ACYP2: variants seen among roughly 807,000 people sequenced by gnomAD.
The protein encoded by ACYP2 is acylphosphatase 2.
ACYP2 carries 12 observed loss-of-function variants against 11.2 expected under a neutral mutation model. The observed-to-expected ratio is 1.08, with a 90% CI of 0.69 to 1.74. The LOEUF (loss-of-function observed/expected upper bound fraction) is 1.74, where lower values mean the gene tolerates loss of function less well. Among genes scored for constraint, ACYP2 ranks in the 40% most tolerant of loss-of-function variants. The pLI is 0.00. For synonymous variants in ACYP2, 43 were observed against 32.2 expected (o/e 1.33, Z -1.13); for missense variants, 134 against 101.9 (o/e 1.31, Z -1.35).
At chr2:54,093,985 T>C (rs1678379473) in intron 4 of ACYP2, among the ~76,000 whole-genome samples, 1 of 152,080 alleles carries the variant, frequency 6.6e-6, no homozygotes, top group African/African-American at 2.4e-5. Flanking sequence ...CCACTCAGTA[T>C]CATTGTGAAG....
chr2:54,250,478 G>A (rs1687173368), intron 6 of ACYP2, among the ~76,000 whole-genome samples: 1 of 109,558 alleles, frequency 9.1e-6, no homozygotes, highest in South Asian at 3.2e-4. Flanking sequence ...TGGGTGGGGT[G>A]GGGGGGGCGT....
At chr2:54,096,900 G>C (rs893389135) in intron 4 of ACYP2, among the ~76,000 whole-genome samples, 3 of 152,074 alleles carry the variant, frequency 2.0e-5, no homozygotes, top group African/African-American at 7.2e-5. Context: ...AATAGAGACG[G>C]GGTCTTGCTA....
chr2:53,973,855 A>ATGTGTGTGTGTGTGTG (rs573137716), intron 2 of ACYP2: 1 of 124,210 alleles, frequency 8.1e-6, no homozygotes, highest in African/African-American at 3.7e-5. Context: ...GGATATATAT[A>ATGTGTGTGTGTGTGTG]TGTGTGTGTG....
chr2:54,162,671 T>A (rs1438997729), intron 6 of ACYP2, among the ~76,000 whole-genome samples: 1 of 151,962 alleles, frequency 6.6e-6, no homozygotes, highest in Non-Finnish European at 1.5e-5. Context: ...ATAAAAAAAT[T>A]TCCTCCTGTA....
chr2:54,035,563 C>T (rs950021045), intron 2 of ACYP2, among the ~76,000 whole-genome samples: 1 of 152,076 alleles, frequency 6.6e-6, no homozygotes, highest in South Asian at 2.1e-4. Flanking sequence ...CCGCTCCCGG[C>T]CTAGAGACAA....
At chr2:54,226,543 C>A (rs1184061467) in intron 6 of ACYP2, among the ~76,000 whole-genome samples, 1 of 152,194 alleles carries the variant, frequency 6.6e-6, no homozygotes, top group Non-Finnish European at 1.5e-5. Context: ...GTGATCTACT[C>A]CTGCAAAGTA....
chr2:54,191,057 C>G (rs1684218589), intron 6 of ACYP2, among the ~76,000 whole-genome samples: 1 of 152,128 alleles, frequency 6.6e-6, no homozygotes, highest in African/African-American at 2.4e-5. Flanking sequence ...CATGCCCCCA[C>G]TCCAGTGATC....
intron 2 of ACYP2, among the ~76,000 whole-genome samples, chr2:54,023,550 C>T (rs1353197538): frequency 1.3e-5 from 2 of 152,090 alleles, no homozygotes; most frequent in Admixed American, 6.6e-5. Flanking sequence ...ACATTTTAAC[C>T]ATTTTAGTAT....
intron 6 of ACYP2, among the ~76,000 whole-genome samples, chr2:54,179,925 T>C (rs1487281254): frequency 6.6e-6 from 1 of 152,154 alleles, no homozygotes; most frequent in East Asian, 1.9e-4. Context: ...TCCCACAGAT[T>C]GGGGGCTCAG....
chr2:53,987,339 T>C (rs1179333558), intron 2 of ACYP2, among the ~76,000 whole-genome samples: 2 of 152,032 alleles, frequency 1.3e-5, no homozygotes, highest in African/African-American at 2.4e-5. Context: ...GATTATGCTT[T>C]TATGTATGTA....
At chr2:54,000,486 C>A (rs1672748995) in intron 2 of ACYP2, among the ~76,000 whole-genome samples, 1 of 150,182 alleles carries the variant, frequency 6.7e-6, no homozygotes, top group Admixed American at 6.6e-5. Flanking sequence ...GAAGCTTTTC[C>A]TTTTCATTTA....
At chr2:54,095,708 G>A (rs1678512235) in intron 4 of ACYP2, among the ~76,000 whole-genome samples, 3 of 124,616 alleles carry the variant, frequency 2.4e-5, no homozygotes, top group Admixed American at 7.6e-5. Context: ...CCGGGCAGAG[G>A]GGCTCCTCAC....
intron 6 of ACYP2, among the ~76,000 whole-genome samples, chr2:54,266,590 CTTTTTTTTTTTTTTTTTTTT>C (rs138812389): frequency 5.9e-4 from 31 of 52,272 alleles, no homozygotes; most frequent in Non-Finnish European, 8.0e-4. Flanking sequence ...ATCTATCTAT[CTTTTTTTTTTTTTTTTTTTT>C]TTTTTTTTTT....
intron 6 of ACYP2, among the ~76,000 whole-genome samples, chr2:54,300,627 C>T (rs1055376844): frequency 5.9e-5 from 9 of 152,192 alleles, no homozygotes; most frequent in Non-Finnish European, 7.3e-5. Context: ...TTCCTTTCCT[C>T]GCTTTCCACA....
chr2:54,025,196 A>G (rs1219079373), intron 2 of ACYP2, among the ~76,000 whole-genome samples: 3 of 152,210 alleles, frequency 2.0e-5, no homozygotes, highest in Non-Finnish European at 2.9e-5. Flanking sequence ...ATTCAATGAC[A>G]TTCTCATCAT....
intron 6 of ACYP2, among the ~76,000 whole-genome samples, chr2:54,297,332 C>G (rs370115164): frequency 4.7e-4 from 71 of 152,042 alleles, no homozygotes; most frequent in African/African-American, 1.7e-3. Context: ...CATCTCCACA[C>G]ACAAAAAAAT....
At chr2:54,201,504 C>A (rs147380571) in intron 6 of ACYP2, among the ~76,000 whole-genome samples, 1,636 of 152,152 alleles carry the variant, frequency 0.011, 38 homozygotes, top group African/African-American at 0.037. Flanking sequence ...TTCTCCCATT[C>A]TGTAGGCTGT....
intron 4 of ACYP2, 144 bp from the exon 2 acceptor site, chr2:54,135,309 C>T: frequency 4.6e-5 from 30 of 648,856 alleles, no homozygotes; most frequent in South Asian, 1.4e-4. Context: ...ATTGTAGGAC[C>T]ACAGTTGATG....
chr2:54,232,904 C>G (rs752747141), intron 6 of ACYP2, among the ~76,000 whole-genome samples: 4 of 152,230 alleles, frequency 2.6e-5, no homozygotes, highest in Admixed American at 6.5e-5. Context: ...GATTACAATT[C>G]GAGATGAGAT....
Sources: allele counts gnomAD v4.1 joint callset (sites outside exome capture counted in the v4.1 genomes callset), GRCh38; gene constraint gnomAD v4.1.1; transcripts MANE v1.5; gene names NCBI Gene and HGNC (gene_info 2026-07-23, HGNC 2026-07-21).